The following EVC variants were observed in gnomAD, a reference collection of about 807,000 sequenced individuals.
EVC encodes the protein evC complex member EVC.
EVC carries 116 observed loss-of-function variants against 118.9 expected under a neutral mutation model. The ratio of observed to expected loss-of-function variants is 0.98; its 90% CI spans 0.84 to 1.14. EVC has a LOEUF of 1.14. EVC is among the 50% of genes most tolerant of loss of function. EVC has a pLI of 0.00. For synonymous variants in EVC, 619 were observed against 534.7 expected (o/e 1.16, Z -2.18); for missense variants, 1,401 against 1,246.4 (o/e 1.12, Z -1.87).
chr4:5,716,289 A>G (rs1723949060), intron 1 of EVC, among the ~76,000 whole-genome samples: 1 of 152,264 alleles, frequency 6.6e-6, no homozygotes, highest in African/African-American at 2.4e-5. Flanking sequence ...AAATCAATAC[A>G]TGAAGGTGAC....
intron 2 of EVC, among the ~76,000 whole-genome samples, chr4:5,726,733 G>A (rs1241216381): frequency 1.6e-4 from 14 of 89,006 alleles, no homozygotes; most frequent in East Asian, 9.4e-4. Context: ...CCCCCCACCC[G>A]ACAACAGTCC....
intron 11 of EVC, among the ~76,000 whole-genome samples, chr4:5,765,315 A>G (rs1732698669): frequency 8.6e-6 from 1 of 116,010 alleles, no homozygotes; most frequent in Non-Finnish European, 1.9e-5. Context: ...GGAGAGCATT[A>G]CTTCCAAGTA....
intron 11 of EVC, among the ~76,000 whole-genome samples, chr4:5,760,938 TAGGTTCC>T (rs1449562855): frequency 6.6e-6 from 1 of 152,196 alleles, no homozygotes; most frequent in Non-Finnish European, 1.5e-5. Flanking sequence ...CACAAGCTTT[TAGGTTCC>T]AGGTCGCCTG....
In EVC at chr4:5,758,369, T is replaced by C. The variant is rs551181843; in HGVS notation, c.1563+2007T>C. Reference sequence around the variant, plus strand: ...AGGAAACTAAACGGAAGGCGATCTTTGTTCAGGGCTAGCTCCTATCTTAAG... The same window carrying C: ...AGGAAACTAAACGGAAGGCGATCTTCGTTCAGGGCTAGCTCCTATCTTAAG... On this transcript the variant is annotated intron_variant, in intron 11 of 20. Coordinates refer to ENST00000264956, the MANE Select transcript of EVC (RefSeq NM_153717.3). 51 of 519,570 alleles carry C rather than the reference T, an allele frequency of 9.8e-5. 1 individual carries two copies. The South Asian group carries it at 1.3e-3, about 13-fold the overall frequency. The allele number at this position is 519,570 out of a possible 1,614,324, so 32.2% of individuals were successfully genotyped here. A position where few individuals can be genotyped will look rare whatever the true frequency, so the allele number is the denominator to read the frequency against.
intron 18 of EVC, 121 bp downstream of exon 18, chr4:5,808,448 T>C (rs1716366075): frequency 2.0e-6 from 3 of 1,487,666 alleles, no homozygotes; most frequent in Non-Finnish European, 2.8e-6. Flanking sequence ...TGTGGCATCG[T>C]TGACCCGCTG....
At chr4:5,817,597 G>A (rs1034001025), downstream of EVC, among the ~76,000 whole-genome samples, 3 of 152,186 alleles carry the variant, frequency 2.0e-5, no homozygotes, top group Admixed American at 6.5e-5. Context: ...TTTTGCTTAG[G>A]AAACTTCTTT....
At chr4:5,794,277 A>ATT (rs1321915725) in intron 13 of EVC, among the ~76,000 whole-genome samples, 7,617 of 118,280 alleles carry the variant, frequency 0.064, 308 homozygotes, top group Non-Finnish European at 0.091. Flanking sequence ...ATTTATATAT[A>ATT]TTTATATATA....
intron 11 of EVC, among the ~76,000 whole-genome samples, chr4:5,767,949 A>C (rs1170314357): frequency 6.6e-6 from 1 of 152,102 alleles, no homozygotes; most frequent in Non-Finnish European, 1.5e-5. Flanking sequence ...TTAGAATTTT[A>C]CTTTTCTTCC....
At position 5,742,061 on chromosome 4, in the gene EVC, T is replaced by A. The variant is rs905281609; in HGVS notation, c.801+247T>A. 6.6e-6 allele frequency among the ~76,000 whole-genome samples: 1 copy of A among 152,212 alleles called. No homozygotes were observed. The highest frequency in any genetic ancestry group is 2.4e-5 in the African/African-American group (1 of 41,456). ...ATATCTACTACTCAAAGACGGTCACTGTTAATGTTTTTTTCTGCACACATT... is the reference window on the plus strand; with the variant it reads ...ATATCTACTACTCAAAGACGGTCACAGTTAATGTTTTTTTCTGCACACATT... On this transcript the variant is annotated intron_variant, in intron 6 of 20. Transcript: ENST00000264956. This position sits in a 1 kb window ranked among gnomAD's most constrained non-coding sequence, Gnocchi z 5.2.
chr4:5,768,176 C>A (rs763319509), intron 11 of EVC, among the ~76,000 whole-genome samples: 3 of 152,094 alleles, frequency 2.0e-5, no homozygotes, highest in Admixed American at 6.6e-5. Flanking sequence ...TCCAGAGCGC[C>A]TCATCTTGGA....
At chr4:5,824,993 C>CG in the EVC span, 1 of 985,244 alleles carries the variant, frequency 1.0e-6, no homozygotes. Flanking sequence ...TTGGGGCTTC[C>CG]GTTTCCTCTT....
At chr4:5,824,155 C>T in the EVC span, 228 of 241,824 alleles carry the variant, frequency 9.4e-4, no homozygotes, top group African/African-American at 5.0e-3. Context: ...TGCAATTGTG[C>T]AGTGTTTAAT....
chr4:5,783,837 C>G (rs193182927), intron 12 of EVC, 73 bp downstream of exon 12: 8 of 1,375,328 alleles, frequency 5.8e-6, no homozygotes, highest in Non-Finnish European at 8.1e-6. Context: ...AGAGATCTCA[C>G]GTCCTGAACA....
At chr4:5,788,909 T>A (rs912779915) in intron 12 of EVC, among the ~76,000 whole-genome samples, 1 of 152,172 alleles carries the variant, frequency 6.6e-6, no homozygotes, top group South Asian at 2.1e-4. Context: ...TTTTAGCTCC[T>A]GAGCTGTCAT....
In EVC at chr4:5,756,377, T is replaced by C; in HGVS notation, c.1563+15T>C. 6.3e-7 allele frequency: 1 copy of C among 1,594,710 alleles called. No homozygotes were observed. The highest frequency in any genetic ancestry group is 8.6e-7 in the Non-Finnish European group (1 of 1,168,462). ...CACTCTGCCAGGTACATGGCCTCTG[T>C]GGGGACCAGCAGAGAAGCCCCAGGG... is the stretch of plus-strand genomic sequence containing the variant. On this transcript the variant is annotated intron_variant, in intron 11 of 20. Transcript: ENST00000264956. This position sits in a 1 kb window ranked among gnomAD's most constrained non-coding sequence, Gnocchi z 4.2.
rs1257490774 is a variant in EVC at position 5,789,509 on chromosome 4, A to G, written c.1777-4099A>G. On this transcript the variant is annotated intron_variant, in intron 12 of 20. Transcript: ENST00000264956. This position sits in a 1 kb window ranked among gnomAD's most constrained non-coding sequence, Gnocchi z 4.3. ...GTTGATTGTAGAGTCCACCCCACCT[A>G]AAAACCCTCCCTGTTTCTAGGAGGA... is the stretch of plus-strand genomic sequence containing the variant. 1.3e-5 allele frequency among the ~76,000 whole-genome samples: 2 copies of G among 152,148 alleles called. No individual in the cohort carries two copies. The highest frequency in any genetic ancestry group is 2.9e-5 in the Non-Finnish European group (2 of 68,022).
chr4:5,799,824 A>C (rs1714653917), intron 15 of EVC, among the ~76,000 whole-genome samples: 1 of 152,012 alleles, frequency 6.6e-6, no homozygotes, highest in Non-Finnish European at 1.5e-5. Flanking sequence ...TAAATATCTC[A>C]CATCTGCCTC....
chr4:5,798,512 C>G lies in EVC; in HGVS notation c.2098-74C>G. 1 of 1,462,388 alleles carries G rather than the reference C, an allele frequency of 6.8e-7. No homozygotes were observed. The highest frequency in any genetic ancestry group is 1.2e-5 in the South Asian group (1 of 82,298). 90.6% of individuals were successfully genotyped at this position (1,462,388 alleles called of 1,614,324 possible). A position where few individuals can be genotyped will look rare whatever the true frequency, so the allele number is the denominator to read the frequency against. On this transcript the variant is annotated intron_variant, in intron 14 of 20. Transcript: ENST00000264956. The surrounding 1 kb of genome is among the most constrained non-coding windows in gnomAD (Gnocchi z 4.1). ...CCTGGGCCCTGGATAGGACCAGCCCCACATCCCAGTCCTGGCCAGAGCTTC... is the reference window on the plus strand; with the variant it reads ...CCTGGGCCCTGGATAGGACCAGCCCGACATCCCAGTCCTGGCCAGAGCTTC...
In EVC at chr4:5,810,986, T is replaced by A. The variant is rs769376828; in HGVS notation, c.2928T>A (p.Ala976=). The part of the protein sequence containing the change: ...SKRLSQQESE[A]GDSGNSKKML... Reference sequence around the variant, plus strand: ...GGCTGAGTCAGCAAGAAAGTGAAGCTGGGGACAGTGGGAACTCAAAGAAGA... The same window carrying A: ...GGCTGAGTCAGCAAGAAAGTGAAGCAGGGGACAGTGGGAACTCAAAGAAGA... The change falls in exon 21 of 21, where the codon GCT becomes GCA. Residue 976 remains alanine (A), a synonymous_variant. Coordinates refer to ENST00000264956, the MANE Select transcript of EVC (RefSeq NM_153717.3). The A allele has an allele frequency of 6.2e-7, 1 of 1,613,226 alleles. No individual in the cohort carries two copies. Among genetic ancestry groups the A allele is most frequent in the South Asian group, 1.1e-5 (1 of 90,806 alleles).
Sources: allele counts gnomAD v4.1 joint callset (sites outside exome capture counted in the v4.1 genomes callset), GRCh38; gene constraint gnomAD v4.1.1; non-coding constraint Gnocchi (gnomAD v3.1); transcripts MANE v1.5; gene names NCBI Gene and HGNC (gene_info 2026-07-23, HGNC 2026-07-21).